The following CA10 variants were observed in gnomAD, a reference collection of about 807,000 sequenced individuals.
The protein encoded by CA10 is carbonic anhydrase-related protein 10.
A neutral mutation model predicts 44.2 loss-of-function variants in CA10; 14 were observed. That is an observed-to-expected ratio of 0.32 (90% CI 0.21 to 0.50). CA10 has a LOEUF of 0.50. Among genes scored for constraint, CA10 ranks in the 20% least tolerant of loss-of-function variants. The probability of loss-of-function intolerance (pLI) is 0.99; values close to 1 mark genes in which losing one functional copy is unlikely to be tolerated. For synonymous variants in CA10, 159 were observed against 141.6 expected, an observed-to-expected ratio of 1.12 and a Z score of -0.87; for missense variants, 350 against 409.7, an observed-to-expected ratio of 0.85 and a Z score of 1.26.
In CA10 at chr17:51,653,634, G is replaced by A. The variant is rs768348175; in HGVS notation, c.561+7C>T. On this transcript the variant is annotated splice_region_variant and intron_variant, in intron 5 of 8. Transcript: ENST00000451037. Reference sequence around the variant, plus strand: ...GTGAGAAGAATGAAGGAATGCAAGAGACTTACTTTTATAAATATAGAAACT... The same window carrying A: ...GTGAGAAGAATGAAGGAATGCAAGAAACTTACTTTTATAAATATAGAAACT... 1.4e-6 allele frequency: 2 copies of A among 1,451,028 alleles called. No individual in the cohort carries two copies. The highest frequency in any genetic ancestry group is 1.4e-5 in the African/African-American group (1 of 71,890). The allele number at this position is 1,451,028 out of a possible 1,614,324, so 89.9% of individuals were successfully genotyped here. A position where few individuals can be genotyped will look rare whatever the true frequency, so the allele number is the denominator to read the frequency against.
chr17:51,658,323 T>C (rs961977725), intron 4 of CA10, among the ~76,000 whole-genome samples: 3 of 152,186 alleles, frequency 2.0e-5, no homozygotes, highest in African/African-American at 7.2e-5. Flanking sequence ...TTTGTCCTCC[T>C]AGAGATAGTT....
At chr17:52,155,319 T>C (rs1476573233) in intron 1 of CA10, among the ~76,000 whole-genome samples, 1 of 152,226 alleles carries the variant, frequency 6.6e-6, no homozygotes, top group Non-Finnish European at 1.5e-5. Context: ...CAGGGTTATG[T>C]TCCTTTCAAT....
intron 3 of CA10, among the ~76,000 whole-genome samples, chr17:51,791,833 T>C (rs930497581): frequency 3.9e-5 from 6 of 152,256 alleles, no homozygotes; most frequent in Non-Finnish European, 7.3e-5. Context: ...GTAAATCTTT[T>C]CAAATTTTTG....
chr17:51,825,186 G>A (rs1307624991), intron 3 of CA10, among the ~76,000 whole-genome samples: 1 of 152,208 alleles, frequency 6.6e-6, no homozygotes, highest in Non-Finnish European at 1.5e-5. Flanking sequence ...CCTGTTGACT[G>A]TGTGTCCACA....
intron 3 of CA10, among the ~76,000 whole-genome samples, chr17:51,842,875 T>A (rs1319136052): frequency 1.3e-5 from 2 of 152,190 alleles, no homozygotes; most frequent in Non-Finnish European, 2.9e-5. Flanking sequence ...AATTCATTTC[T>A]GGTGCAGAAA....
intron 3 of CA10, among the ~76,000 whole-genome samples, chr17:51,893,856 CT>C (rs1980960937): frequency 6.6e-6 from 1 of 152,118 alleles, no homozygotes; most frequent in Admixed American, 6.6e-5. Flanking sequence ...ATCAACTTAT[CT>C]ATTGTCTCTA....
rs766549789 is a variant in CA10, at chr17:52,078,579, A to T, written c.62-6186T>A. Among the ~76,000 whole-genome samples the T allele has an allele frequency of 2.8e-4, 42 of 152,310 alleles. 1 individual carries two copies. Among genetic ancestry groups the T allele is most frequent in the Non-Finnish European group, 1.3e-4 (9 of 68,016 alleles). ...TTGCATTTCTCCACTGGAGGAGGTAATTCAAGGAGGAAGGTACCAAGTCTA... is the reference window on the plus strand; with the variant it reads ...TTGCATTTCTCCACTGGAGGAGGTATTTCAAGGAGGAAGGTACCAAGTCTA... On this transcript the variant is annotated intron_variant, in intron 1 of 8. Coordinates refer to ENST00000451037, the MANE Select transcript of CA10 (RefSeq NM_020178.5).
intron 4 of CA10, among the ~76,000 whole-genome samples, chr17:51,703,347 ATAATATC>A (rs1369187587): frequency 6.6e-6 from 1 of 152,046 alleles, no homozygotes; most frequent in Non-Finnish European, 1.5e-5. Flanking sequence ...TCTTTCCATG[ATAATATC>A]TTTCCATGGA....
chr17:51,979,663 C>T (rs910727232), intron 2 of CA10, among the ~76,000 whole-genome samples: 4 of 152,142 alleles, frequency 2.6e-5, no homozygotes, highest in Admixed American at 6.6e-5. Context: ...GTCTAGAATA[C>T]CCCTTCTCTG....
intron 2 of CA10, among the ~76,000 whole-genome samples, chr17:52,033,504 TAA>T (rs34782081): frequency 0.1 from 15,858 of 152,146 alleles, 870 homozygotes; most frequent in South Asian, 0.16. Context: ...AAATTAGAAA[TAA>T]GTTTTCATGA....
intron 7 of CA10, among the ~76,000 whole-genome samples, chr17:51,634,343 GCCT>G (rs1279118512): frequency 2.0e-5 from 3 of 152,198 alleles, no homozygotes; most frequent in African/African-American, 7.2e-5. Context: ...AGTTACTGTT[GCCT>G]GTCACCCAGT....
At chr17:51,839,289 G>A (rs563657131) in intron 3 of CA10, among the ~76,000 whole-genome samples, 20 of 152,088 alleles carry the variant, frequency 1.3e-4, no homozygotes, top group Admixed American at 8.5e-4. Flanking sequence ...TCAGGAGATC[G>A]AGACCTTCCT....
intron 3 of CA10, among the ~76,000 whole-genome samples, chr17:51,889,929 C>A (rs1980782620): frequency 6.6e-6 from 1 of 152,180 alleles, no homozygotes; most frequent in Non-Finnish European, 1.5e-5. Flanking sequence ...AATCCCTAGA[C>A]AGAAAAAGAG....
At chr17:51,960,043 C>A (rs1014754853) in intron 2 of CA10, among the ~76,000 whole-genome samples, 4 of 151,370 alleles carry the variant, frequency 2.6e-5, no homozygotes, top group African/African-American at 7.3e-5. Flanking sequence ...GAAAAAAATT[C>A]TTTTAAAATG....
chr17:51,733,763 C>T (rs759904255), intron 4 of CA10, among the ~76,000 whole-genome samples: 15 of 152,110 alleles, frequency 9.9e-5, no homozygotes, highest in Non-Finnish European at 1.3e-4. Flanking sequence ...CTTACTGTTT[C>T]GGCTCTCTAA....
chr17:52,083,355 A>T (rs1228989582), intron 1 of CA10, among the ~76,000 whole-genome samples: 1 of 152,178 alleles, frequency 6.6e-6, no homozygotes, highest in African/African-American at 2.4e-5. Flanking sequence ...CCCTGGGGTT[A>T]AATCACAAAT....
intron 1 of CA10, among the ~76,000 whole-genome samples, chr17:52,116,127 AC>A (rs543467102): frequency 6.6e-6 from 1 of 151,278 alleles, no homozygotes; most frequent in Non-Finnish European, 1.5e-5. Context: ...TGTTGGAGAA[AC>A]CCATTTACAT....
intron 1 of CA10, among the ~76,000 whole-genome samples, chr17:52,149,145 T>C (rs964401389): frequency 2.0e-5 from 3 of 152,246 alleles, no homozygotes; most frequent in African/African-American, 7.2e-5. Context: ...TAAATCTGTT[T>C]ATTCCAACTC....
chr17:51,648,884 G>A (rs1040332128), intron 6 of CA10, among the ~76,000 whole-genome samples: 1 of 152,104 alleles, frequency 6.6e-6, no homozygotes, highest in African/African-American at 2.4e-5. Flanking sequence ...CAGCTGACAC[G>A]GTGGAGCGTG....
Sources: gnomAD v4.1 joint callset for allele counts (sites outside exome capture counted in the v4.1 genomes callset) on GRCh38, gnomAD v4.1.1 for gene constraint, MANE v1.5 for transcripts, NCBI Gene and HGNC (gene_info 2026-07-23, HGNC 2026-07-21) for gene names.